The following SLCO1B3 variants were observed in gnomAD, a reference collection of about 807,000 sequenced individuals.
SLCO1B3 encodes liver-specific organic anion transporter 2.
SLCO1B3 carries 72 observed loss-of-function variants against 71.8 expected under a neutral mutation model. The observed-to-expected ratio is 1.00, with a 90% CI of 0.83 to 1.22. The LOEUF (loss-of-function observed/expected upper bound fraction) is 1.22, where lower values mean the gene tolerates loss of function less well. Ranked by LOEUF, SLCO1B3 falls within the 50% of genes most tolerant of loss-of-function variation. The probability of loss-of-function intolerance (pLI) is 0.00; values close to 1 mark genes in which losing one functional copy is unlikely to be tolerated. For synonymous variants in SLCO1B3, 298 were observed against 278.4 expected (o/e 1.07, Z -0.70); for missense variants, 911 against 819.7 (o/e 1.11, Z -1.36).
intron 2 of SLCO1B3, among the ~76,000 whole-genome samples, chr12:20,814,104 CTATGT>C (rs1204189511): frequency 6.6e-6 from 1 of 151,910 alleles, no homozygotes; most frequent in East Asian, 2.0e-4. Context: ...ATACCTATAT[CTATGT>C]TATGTGTCTG....
rs1374299159 is a variant in SLCO1B3 at position 20,883,436 on chromosome 12, T to C, written c.1516T>C (p.Cys506Arg). Reference protein sequence around the residue: ...KKHTVFYNCSCVEVTGLQNRN... With the variant: ...KKHTVFYNCSRVEVTGLQNRN... ...TTTTTAGGTGTTTTATAACTGTAGTTGTGTGGAAGTAACTGGTCTCCAGAA... is the reference window on the plus strand; with the variant it reads ...TTTTTAGGTGTTTTATAACTGTAGTCGTGTGGAAGTAACTGGTCTCCAGAA... The change falls in exon 13 of 16, where the codon TGT (cysteine) becomes CGT (arginine). Residue 506 changes from cysteine (C) to arginine (R), a missense_variant. Transcript: ENST00000381545. 2 of 1,558,142 alleles carry C rather than the reference T, an allele frequency of 1.3e-6. No homozygotes were observed. The highest frequency in any genetic ancestry group is 2.1e-5 in the Admixed American group (1 of 47,708).
intron 2 of SLCO1B3, 25 bp from the exon 3 acceptor site, chr12:20,815,649 A>C: frequency 2.5e-6 from 2 of 811,114 alleles, no homozygotes; most frequent in Non-Finnish European, 4.0e-6. Flanking sequence ...AAGTAAAATA[A>C]ATTATACTTT....
At chr12:20,901,244 C>T in intron 14 of SLCO1B3, 106 bp from the exon 15 acceptor site, 1 of 779,800 alleles carries the variant, frequency 1.3e-6, no homozygotes, top group Non-Finnish European at 2.1e-6. Flanking sequence ...AATAATTTTC[C>T]AAAACTTTAA....
At chr12:20,873,921 G>A (rs1282804690) in intron 8 of SLCO1B3, among the ~76,000 whole-genome samples, 1 of 152,138 alleles carries the variant, frequency 6.6e-6, no homozygotes, top group East Asian at 1.9e-4. Flanking sequence ...ACATGTCCCT[G>A]CAAAGGACAT....
At chr12:20,897,731 C>G (rs978894552) in intron 13 of SLCO1B3, among the ~76,000 whole-genome samples, 5 of 152,178 alleles carry the variant, frequency 3.3e-5, no homozygotes, top group African/African-American at 1.2e-4. Context: ...AGTCATCCAC[C>G]TCATCCCAGC....
chr12:20,870,198 G>C (rs575939219), intron 8 of SLCO1B3, among the ~76,000 whole-genome samples: 1 of 152,050 alleles, frequency 6.6e-6, no homozygotes, highest in South Asian at 2.1e-4. Flanking sequence ...TTTTGCTATG[G>C]AGTTGTAGGA....
At chr12:20,908,544 T>C (rs1405332050) in intron 15 of SLCO1B3, among the ~76,000 whole-genome samples, 2 of 152,250 alleles carry the variant, frequency 1.3e-5, no homozygotes, top group Non-Finnish European at 2.9e-5. Flanking sequence ...TCATTCATCC[T>C]TTCCCAGTAA....
intron 8 of SLCO1B3, among the ~76,000 whole-genome samples, chr12:20,867,048 C>G (rs1326700450): frequency 6.6e-6 from 1 of 152,078 alleles, no homozygotes; most frequent in South Asian, 2.1e-4. Context: ...CTTTTAAAGT[C>G]CTTTTGATAA....
At chr12:20,887,676 C>A (rs1176024560) in intron 13 of SLCO1B3, among the ~76,000 whole-genome samples, 1 of 151,020 alleles carries the variant, frequency 6.6e-6, no homozygotes, top group Non-Finnish European at 1.5e-5. Flanking sequence ...TGTCTGTATA[C>A]TCTGTTGATT....
chr12:20,912,719 T>C (rs1197306653), intron 15 of SLCO1B3, among the ~76,000 whole-genome samples: 1 of 151,810 alleles, frequency 6.6e-6, no homozygotes, highest in Non-Finnish European at 1.5e-5. Context: ...AGATGGGGTT[T>C]CACCATGTTG....
intron 3 of SLCO1B3, among the ~76,000 whole-genome samples, chr12:20,849,051 CTG>C (rs1864969946): frequency 6.6e-6 from 1 of 151,908 alleles, no homozygotes; most frequent in Non-Finnish European, 1.5e-5. Flanking sequence ...GTAGGGGAAA[CTG>C]TGTGTGGATA....
chr12:20,864,102 C>T (rs4149126), intron 8 of SLCO1B3, among the ~76,000 whole-genome samples: 9,454 of 152,164 alleles, frequency 0.062, 370 homozygotes, highest in East Asian at 0.18. Context: ...TAATCTCACA[C>T]TTCCCTTTAT....
At chr12:20,903,472 C>T (rs888685347) in intron 15 of SLCO1B3, among the ~76,000 whole-genome samples, 19 of 152,080 alleles carry the variant, frequency 1.2e-4, no homozygotes, top group African/African-American at 4.3e-4. Context: ...TAATTAACTC[C>T]CAGTTCCACA....
chr12:20,907,591 C>T (rs1280939278), intron 15 of SLCO1B3, among the ~76,000 whole-genome samples: 2 of 150,964 alleles, frequency 1.3e-5, no homozygotes, highest in Admixed American at 6.6e-5. Context: ...TCACTGCAAC[C>T]TCCGACTCCT....
At chr12:20,830,810 A>G (rs938695153) in intron 3 of SLCO1B3, among the ~76,000 whole-genome samples, 3 of 152,254 alleles carry the variant, frequency 2.0e-5, no homozygotes, top group Admixed American at 6.5e-5. Flanking sequence ...TTTCAGCAGA[A>G]TGGCAATCAT....
rs1591793293 is a variant in SLCO1B3 at position 20,908,308 on chromosome 12, T to C, written c.1865+6841T>C. Among the ~76,000 whole-genome samples the C allele has an allele frequency of 2.6e-5, 4 of 152,334 alleles. No homozygotes were observed. In the South Asian group the frequency reaches 8.3e-4, roughly 32 times the overall value. On this transcript the variant is annotated intron_variant, in intron 15 of 15. Transcript: ENST00000381545. ...TCTTGCCTGCTCCCGCATACATGCA[T>C]AGCCTTCCCCATTATCAACATCTCC...
At chr12:20,824,962 A>T (rs182268603) in intron 3 of SLCO1B3, among the ~76,000 whole-genome samples, 19 of 152,262 alleles carry the variant, frequency 1.2e-4, no homozygotes, top group East Asian at 3.9e-4. Context: ...AAGTTTTTTT[A>T]AAAAAGGCAA....
intron 2 of SLCO1B3, 58 bp downstream of exon 2, chr12:20,813,696 A>T (rs1864144335): frequency 6.6e-6 from 1 of 152,206 alleles, no homozygotes; most frequent in Admixed American, 6.5e-5. Flanking sequence ...AATGTTAATG[A>T]ATCAACAGTA....
At chr12:20,820,065 G>A (rs1454982756) in intron 3 of SLCO1B3, among the ~76,000 whole-genome samples, 1 of 152,074 alleles carries the variant, frequency 6.6e-6, no homozygotes, top group Non-Finnish European at 1.5e-5. Context: ...GAGTTGGGGA[G>A]TTTTAAGAGG....
Sources: allele counts gnomAD v4.1 joint callset (sites outside exome capture counted in the v4.1 genomes callset), GRCh38; gene constraint gnomAD v4.1.1; transcripts MANE v1.5; gene names NCBI Gene and HGNC (gene_info 2026-07-23, HGNC 2026-07-21).